ZNF569: variants seen among roughly 807,000 people sequenced by gnomAD.
ZNF569 encodes the protein DNA-binding protein.
A neutral mutation model predicts 56.3 loss-of-function variants in ZNF569; 38 were observed. That is an observed-to-expected ratio of 0.68 (90% CI 0.52 to 0.88). ZNF569 has a LOEUF of 0.88. Among genes scored for constraint, ZNF569 ranks in the 40% least tolerant of loss-of-function variants. The probability of loss-of-function intolerance (pLI) is 0.00; values close to 1 mark genes in which losing one functional copy is unlikely to be tolerated. For synonymous variants in ZNF569, 241 were observed against 262.9 expected (o/e 0.92, Z 0.81); for missense variants, 666 against 809.2 (o/e 0.82, Z 2.15).
intron 5 of ZNF569, among the ~76,000 whole-genome samples, chr19:37,417,567 G>A (rs1787701090): frequency 2.6e-5 from 4 of 151,984 alleles, no homozygotes; most frequent in Admixed American, 2.6e-4. Flanking sequence ...TTATTTCTAA[G>A]TTACCCAGCT....
chr19:37,412,898 A>G lies in ZNF569; in HGVS notation c.1760T>C (p.Phe587Ser), dbSNP rs2040861690. 3.1e-6 allele frequency: 5 copies of G among 1,614,058 alleles called. No homozygotes were observed. Among genetic ancestry groups the G allele is most frequent in the Non-Finnish European group, 4.2e-6 (5 of 1,179,958 alleles). Reference protein sequence around the residue: ...PYVCNECGKAFSQRTSLIVHM... With the variant: ...PYVCNECGKASSQRTSLIVHM... ...CACAATAAGGGAAGTTCTTTGAGAG[A>G]AGGCTTTCCCACATTCATTACATAC... Residue 587 changes from phenylalanine (F) to serine (S), a missense_variant, in exon 6 of 6, where the codon TTC becomes TCC. By Grantham distance (155) the Phe-to-Ser change is radical. Coordinates refer to ENST00000316950, the MANE Select transcript of ZNF569 (RefSeq NM_152484.3).
chr19:37,415,592 C>T (rs186198219), intron 5 of ZNF569, among the ~76,000 whole-genome samples: 56 of 151,990 alleles, frequency 3.7e-4, no homozygotes, highest in South Asian at 2.1e-4. Context: ...ATTAAGAGGC[C>T]GGGCGCGGTG....
intron 3 of ZNF569, among the ~76,000 whole-genome samples, chr19:37,439,476 C>T (rs1018723528): frequency 6.6e-6 from 1 of 152,126 alleles, no homozygotes; most frequent in African/African-American, 2.4e-5. Context: ...TTAGTACAAC[C>T]TGATGGAAAA....
At chr19:37,440,861 G>A (rs1371539116) in intron 3 of ZNF569, among the ~76,000 whole-genome samples, 1 of 151,978 alleles carries the variant, frequency 6.6e-6, no homozygotes, top group African/African-American at 2.4e-5. Flanking sequence ...ACTTAATATG[G>A]CAACAAAAGA....
chr19:37,447,203 A>G (rs757056380), intron 2 of ZNF569, among the ~76,000 whole-genome samples: 1 of 152,222 alleles, frequency 6.6e-6, no homozygotes, highest in South Asian at 2.1e-4. Flanking sequence ...AAAGAACTAA[A>G]AGTATATCTG....
chr19:37,448,039 T>G (rs2041527511), intron 2 of ZNF569, among the ~76,000 whole-genome samples: 2 of 152,204 alleles, frequency 1.3e-5, no homozygotes, highest in South Asian at 4.1e-4. Context: ...AATACTAGTC[T>G]GTAGTTTTCT....
At chr19:37,466,134 A>G (rs2041829962) in intron 1 of ZNF569, among the ~76,000 whole-genome samples, 1 of 152,170 alleles carries the variant, frequency 6.6e-6, no homozygotes, top group Non-Finnish European at 1.5e-5. Context: ...CAGTAGTTGC[A>G]TGGCCTGTAG....
At position 37,425,803 on chromosome 19, in the gene ZNF569, C is replaced by T. The variant is rs2041121312; in HGVS notation, c.238+65G>A. ...TGAAGAATATTTTAGAGGGATCAAC[C>T]ATTCACTGATTAATCATTAATAGGC... On this transcript the variant is annotated intron_variant, in intron 5 of 5. Coordinates refer to ENST00000316950, the MANE Select transcript of ZNF569 (RefSeq NM_152484.3). The T allele has an allele frequency of 4.0e-6, 5 of 1,252,824 alleles. No homozygotes were observed. In the South Asian group the frequency reaches 4.9e-5, roughly 12 times the overall value. The allele number at this position is 1,252,824 out of a possible 1,614,324, so 77.6% of individuals were successfully genotyped here. A position where few individuals can be genotyped will look rare whatever the true frequency, so the allele number is the denominator to read the frequency against.
Position 37,412,727 on chromosome 19 carries a change from G to GAGAA in ZNF569, c.1927_1930dup (p.Ser644PhefsTer17). On this transcript the variant is annotated frameshift_variant, in exon 6 of 6. Coordinates refer to ENST00000316950, the MANE Select transcript of ZNF569 (RefSeq NM_152484.3). LOFTEE classifies it high-confidence loss of function. ...ATGAAGGGTAAGAGATGAGATTTGA[G>GAGAA]AGAAGGCTTTTCCACATTTACTACA... The GAGAA allele has an allele frequency of 6.2e-7, 1 of 1,614,088 alleles. No homozygotes were observed. Among genetic ancestry groups the GAGAA allele is most frequent in the Non-Finnish European group, 8.5e-7 (1 of 1,179,960 alleles).
At chr19:37,465,110 T>C (rs2041810351) in intron 2 of ZNF569, among the ~76,000 whole-genome samples, 1 of 152,220 alleles carries the variant, frequency 6.6e-6, no homozygotes, top group African/African-American at 2.4e-5. Flanking sequence ...TGCTGTTCCC[T>C]CTGCCTGGAA....
intron 2 of ZNF569, among the ~76,000 whole-genome samples, chr19:37,460,233 C>G (rs1313322364): frequency 6.6e-6 from 1 of 152,118 alleles, no homozygotes; most frequent in Non-Finnish European, 1.5e-5. Flanking sequence ...ACTGCAATCT[C>G]TGTCTCCTGG....
At chr19:37,428,315 G>A (rs1303433984) in intron 3 of ZNF569, among the ~76,000 whole-genome samples, 2 of 152,012 alleles carry the variant, frequency 1.3e-5, no homozygotes, top group African/African-American at 4.8e-5. Context: ...GCCAGTCTGG[G>A]CAACATAGCA....
At chr19:37,436,932 A>G (rs1050192565) in intron 3 of ZNF569, among the ~76,000 whole-genome samples, 1 of 151,900 alleles carries the variant, frequency 6.6e-6, no homozygotes, top group East Asian at 1.9e-4. Context: ...AACTATTCCA[A>G]ATAATAGAGG....
intron 5 of ZNF569, among the ~76,000 whole-genome samples, chr19:37,422,311 C>T (rs1043082206): frequency 2.4e-4 from 37 of 152,114 alleles, no homozygotes; most frequent in African/African-American, 8.0e-4. Context: ...GGGAGAGAGA[C>T]GGGAATGGGT....
chr19:37,468,503 GTTTGTTT>G (rs980337622), upstream of ZNF569, among the ~76,000 whole-genome samples: 1 of 151,722 alleles, frequency 6.6e-6, no homozygotes, highest in Non-Finnish European at 1.5e-5. Context: ...GTTTTTGTTT[GTTTGTTT>G]TTTAAGACGG....
intron 3 of ZNF569, among the ~76,000 whole-genome samples, chr19:37,439,708 T>C (rs1306094231): frequency 6.6e-6 from 1 of 152,154 alleles, no homozygotes; most frequent in East Asian, 1.9e-4. Flanking sequence ...CATACACACC[T>C]TGGAGTACTA....
chr19:37,452,808 T>G (rs987480472), intron 2 of ZNF569, among the ~76,000 whole-genome samples: 1 of 152,114 alleles, frequency 6.6e-6, no homozygotes, highest in Non-Finnish European at 1.5e-5. Flanking sequence ...TTCATTTTAT[T>G]TTGTGTCCTT....
intron 2 of ZNF569, among the ~76,000 whole-genome samples, chr19:37,464,788 G>A (rs1433218852): frequency 3.3e-5 from 5 of 152,152 alleles, no homozygotes; most frequent in African/African-American, 1.2e-4. Context: ...TGGTCTCTGT[G>A]CTTCTTCCCT....
At position 37,426,398 on chromosome 19, in the gene ZNF569, C is replaced by G. The variant is rs755804446; in HGVS notation, c.16-20G>C. ...TGTTCCCTGTAACAACACACTCCCACTCAATCTGAAGTCATCCATCTTGGG... is the reference window on the plus strand; with the variant it reads ...TGTTCCCTGTAACAACACACTCCCAGTCAATCTGAAGTCATCCATCTTGGG... On this transcript the variant is annotated intron_variant, in intron 3 of 5. Transcript: ENST00000316950. 18 of 1,582,058 alleles carry G rather than the reference C, an allele frequency of 1.1e-5. No homozygotes were observed. Among genetic ancestry groups the G allele is most frequent in the Non-Finnish European group, 1.5e-5 (17 of 1,166,314 alleles).
Sources: allele counts gnomAD v4.1 joint callset (sites outside exome capture counted in the v4.1 genomes callset), GRCh38; gene constraint gnomAD v4.1.1; transcripts MANE v1.5; gene names NCBI Gene and HGNC (gene_info 2026-07-23, HGNC 2026-07-21).